LDHAL6A: variants seen among roughly 807,000 people sequenced by gnomAD.
LDHAL6A encodes L-lactate dehydrogenase A-like 6A.
A neutral mutation model predicts 28.2 loss-of-function variants in LDHAL6A; 19 were observed. That is an observed-to-expected ratio of 0.67 (90% CI 0.47 to 0.99). The LOEUF (loss-of-function observed/expected upper bound fraction) is 0.99. Among genes scored for constraint, LDHAL6A ranks in the 50% least tolerant of loss-of-function variants. The pLI is 0.00. For missense variants in LDHAL6A, 372 were observed against 398.6 expected (o/e 0.93, Z 0.57); for synonymous variants, 144 against 134.4 (o/e 1.07, Z -0.49).
chr11:18,477,328 G>C (rs745937624), intron 5 of LDHAL6A, among the ~76,000 whole-genome samples: 14 of 152,006 alleles, frequency 9.2e-5, no homozygotes, highest in East Asian at 1.9e-4. Context: ...GCATGGTGGC[G>C]CATGCTTGTA....
chr11:18,466,873 T>C (rs1849087967), intron 3 of LDHAL6A, among the ~76,000 whole-genome samples: 1 of 152,162 alleles, frequency 6.6e-6, no homozygotes, highest in Admixed American at 6.5e-5. Flanking sequence ...GGAGATAAAA[T>C]GTGCAGGACT....
chr11:18,476,687 G>C (rs1466683001), intron 5 of LDHAL6A, 186 bp downstream of exon 5: 1 of 883,794 alleles, frequency 1.1e-6, no homozygotes, highest in East Asian at 1.2e-4. Context: ...CTGATTCTGT[G>C]TTGCTTATTC....
Position 18,475,363 on chromosome 11 carries a change from C to T in LDHAL6A, c.419-103C>T, listed in dbSNP as rs77969176. On this transcript the variant is annotated intron_variant, in intron 3 of 6. Transcript: ENST00000280706. ...TTGGATAGAGAACCATGTTTCTTGC[C>T]TCCTCCACAAAACATCAGATTTACT... The T allele has an allele frequency of 6.4e-3, 5,653 of 878,978 alleles. 193 individuals carry two copies. The African/African-American group carries it at 0.08, about 12-fold the overall frequency. 54.4% of individuals were successfully genotyped at this position (878,978 alleles called of 1,614,324 possible). A position where few individuals can be genotyped will look rare whatever the true frequency, so the allele number is the denominator to read the frequency against.
At chr11:18,474,910 G>C (rs140302308) in intron 3 of LDHAL6A, among the ~76,000 whole-genome samples, 5 of 152,084 alleles carry the variant, frequency 3.3e-5, no homozygotes, top group Admixed American at 3.3e-4. Context: ...ACTTGTCATT[G>C]ATTTTTTAAA....
intron 4 of LDHAL6A, 136 bp from the exon 5 acceptor site, chr11:18,476,248 C>T (rs1485112723): frequency 2.2e-6 from 2 of 906,590 alleles, no homozygotes; most frequent in Non-Finnish European, 3.2e-6. Context: ...TTTAGAATAT[C>T]TGGAGTGGGG....
chr11:18,474,839 A>T (rs1186067341), intron 3 of LDHAL6A, among the ~76,000 whole-genome samples: 1 of 152,256 alleles, frequency 6.6e-6, no homozygotes, highest in Non-Finnish European at 1.5e-5. Context: ...TCTATTAAAA[A>T]AATAATTTTT....
intron 1 of LDHAL6A, among the ~76,000 whole-genome samples, chr11:18,457,550 C>A (rs1848790078): frequency 6.6e-6 from 1 of 152,120 alleles, no homozygotes; most frequent in Admixed American, 6.6e-5. Context: ...ACATAGTGAC[C>A]TTATGGCACT....
rs1290764346 is a variant in LDHAL6A, at chr11:18,465,674, C to A, written c.282C>A (p.Ile94=). 1 of 1,613,964 alleles carries A rather than the reference C, an allele frequency of 6.2e-7. No homozygotes were observed. Among genetic ancestry groups the A allele is most frequent in the South Asian group, 1.1e-5 (1 of 91,064 alleles). Residue 94 remains isoleucine, a synonymous_variant, in exon 3 of 7, where the codon ATC becomes ATA. Coordinates refer to ENST00000280706, the MANE Select transcript of LDHAL6A (RefSeq NM_144972.5). ...CTGCAAACTCCAATCTAGTGATTAT[C>A]ACAGCAGGTGCACGCCAGAAAAAAG... The part of the protein sequence containing the change: ...LVTANSNLVI[I]TAGARQKKGE...
chr11:18,468,003 G>GTATA (rs1158619010), intron 3 of LDHAL6A, among the ~76,000 whole-genome samples: 1 of 61,614 alleles, frequency 1.6e-5, no homozygotes, highest in African/African-American at 8.6e-5. Flanking sequence ...ATATATATAC[G>GTATA]TATATATATA....
chr11:18,477,381 C>G (rs747475752), intron 5 of LDHAL6A, among the ~76,000 whole-genome samples: 1 of 151,864 alleles, frequency 6.6e-6, no homozygotes, highest in Non-Finnish European at 1.5e-5. Context: ...ATTGCTTAAA[C>G]CTGGGAGGTG....
chr11:18,477,546 G>T (rs191288085), intron 5 of LDHAL6A, 74 bp from the exon 6 acceptor site: 114 of 1,371,634 alleles, frequency 8.3e-5, no homozygotes, highest in Non-Finnish European at 4.9e-6. Context: ...GGCATTGTTA[G>T]ATACATTGCT....
At chr11:18,478,368 C>G (rs934987097) in intron 6 of LDHAL6A, among the ~76,000 whole-genome samples, 10 of 152,114 alleles carry the variant, frequency 6.6e-5, no homozygotes, top group African/African-American at 2.4e-4. Flanking sequence ...TGGGTTGAAA[C>G]TGAACAATAA....
At chr11:18,459,340 A>G (rs1156389037) in intron 1 of LDHAL6A, among the ~76,000 whole-genome samples, 2 of 151,450 alleles carry the variant, frequency 1.3e-5, no homozygotes, top group Admixed American at 6.6e-5. Flanking sequence ...CAAACATCAG[A>G]CTCCAAGTTC....
chr11:18,475,458 C>T lies in LDHAL6A; in HGVS notation c.419-8C>T, dbSNP rs1428894020. 1 of 1,602,312 alleles carries T rather than the reference C, an allele frequency of 6.2e-7. No homozygotes were observed. The highest frequency in any genetic ancestry group is 8.5e-7 in the Non-Finnish European group (1 of 1,173,064). Reference sequence around the variant, plus strand: ...GGACATTTCTTGATATGAACTTTTTCTTCTTAGTGGATATCTTAACTTATG... The same window carrying T: ...GGACATTTCTTGATATGAACTTTTTTTTCTTAGTGGATATCTTAACTTATG... On this transcript the variant is annotated splice_region_variant and splice_polypyrimidine_tract_variant and intron_variant, in intron 3 of 6. Transcript: ENST00000280706.
chr11:18,462,204 GATAC>G (rs1848929771), intron 1 of LDHAL6A, among the ~76,000 whole-genome samples: 1 of 151,820 alleles, frequency 6.6e-6, no homozygotes, highest in African/African-American at 2.4e-5. Context: ...AATTCAGAAA[GATAC>G]ATACAAGGCC....
At chr11:18,476,738 T>C (rs1849393101) in intron 5 of LDHAL6A, 1 of 350,206 alleles carries the variant, frequency 2.9e-6, no homozygotes, top group Non-Finnish European at 4.0e-6. Flanking sequence ...AGGGGCTCAC[T>C]TGTTGACTGA....
In LDHAL6A at chr11:18,463,973, G is replaced by T; in HGVS notation, c.139G>T (p.Glu47Ter). The change falls in exon 2 of 7, where the codon GAA becomes TAA. Residue 47 changes from glutamate to a stop codon, truncating the protein, a stop_gained. Coordinates refer to ENST00000280706, the MANE Select transcript of LDHAL6A (RefSeq NM_144972.5). LOFTEE classifies it high-confidence loss of function. ...ISILLKGLSD[E>*]LVLVDVDEGK... Reference sequence around the variant, plus strand: ...CAATGTTTTTCAGGGTTTGAGTGATGAACTTGTCCTTGTGGATGTTGATGA... The same window carrying T: ...CAATGTTTTTCAGGGTTTGAGTGATTAACTTGTCCTTGTGGATGTTGATGA... 6.2e-7 allele frequency: 1 copy of T among 1,612,092 alleles called. No homozygotes were observed. Among genetic ancestry groups the T allele is most frequent in the Non-Finnish European group, 8.5e-7 (1 of 1,178,348 alleles).
intron 1 of LDHAL6A, among the ~76,000 whole-genome samples, chr11:18,463,481 T>A (rs942017436): frequency 2.0e-5 from 3 of 152,218 alleles, no homozygotes; most frequent in African/African-American, 7.2e-5. Flanking sequence ...TTTCATGTAT[T>A]CTGTTATAAG....
rs1319078094 is a variant in LDHAL6A, at chr11:18,476,408, T to C, written c.617T>C (p.Ile206Thr). The C allele has an allele frequency of 1.9e-6, 3 of 1,613,950 alleles. No homozygotes were observed. The highest frequency in any genetic ancestry group is 2.2e-5 in the East Asian group (1 of 44,880). The change falls in exon 5 of 7, where the codon ATT (isoleucine) becomes ACT (threonine). Residue 206 changes from isoleucine (I) to threonine (T), a missense_variant. By Grantham distance (89) the Ile-to-Thr change is moderately conservative. Transcript: ENST00000280706. ...SSVPVWSGVN[I>T]AGVPLKDLNP... ...GTTCCTGTGTGGAGTGGTGTGAACA[T>C]TGCTGGCGTCCCTCTGAAGGATCTG...
Sources: allele counts gnomAD v4.1 joint callset (sites outside exome capture counted in the v4.1 genomes callset), GRCh38; gene constraint gnomAD v4.1.1; transcripts MANE v1.5; gene names NCBI Gene and HGNC (gene_info 2026-07-23, HGNC 2026-07-21).